ASTN2: variants seen among roughly 807,000 people sequenced by gnomAD.
ASTN2 encodes astrotactin-2.
Under a neutral mutation model 139.8 loss-of-function variants are expected in ASTN2, and 54 were observed. That is an observed-to-expected ratio of 0.39 (90% CI 0.31 to 0.48). The LOEUF is 0.48. Among genes scored for constraint, ASTN2 ranks in the 20% least tolerant of loss-of-function variants. ASTN2 has a pLI of 0.95. For missense variants in ASTN2, 1,565 were observed against 1,725.1 expected (o/e 0.91, Z 1.64); for synonymous variants, 756 against 719.5 (o/e 1.05, Z -0.81).
chr9:116,946,847 C>G (rs1490540753), intron 10 of ASTN2, among the ~76,000 whole-genome samples: 2 of 149,248 alleles, frequency 1.3e-5, no homozygotes, highest in East Asian at 4.0e-4. Context: ...TCTTTTAAGG[C>G]TTTTCCCCAT....
At chr9:117,196,556 C>A (rs1254329971) in intron 3 of ASTN2, among the ~76,000 whole-genome samples, 2 of 152,162 alleles carry the variant, frequency 1.3e-5, no homozygotes, top group Non-Finnish European at 2.9e-5. Flanking sequence ...GATCACAATG[C>A]CTTCCTATCT....
chr9:117,164,269 C>T (rs4838256), intron 3 of ASTN2, among the ~76,000 whole-genome samples: 35,343 of 151,958 alleles, frequency 0.23, 4,370 homozygotes, highest in East Asian at 0.52. Context: ...GATGAGAATG[C>T]AGGCAGAAAT....
chr9:117,284,046 G>A (rs1030866570), intron 2 of ASTN2, among the ~76,000 whole-genome samples: 19 of 152,168 alleles, frequency 1.2e-4, no homozygotes, highest in African/African-American at 4.6e-4. Context: ...AAAGCAATAT[G>A]TTAAGCTCCT....
At chr9:116,466,862 T>C (rs1848661646) in intron 20 of ASTN2, among the ~76,000 whole-genome samples, 1 of 152,196 alleles carries the variant, frequency 6.6e-6, no homozygotes, top group Non-Finnish European at 1.5e-5. Context: ...AGAATGGGGA[T>C]AATAAGACTC....
At chr9:116,621,441 GCACACACA>G (rs10547546) in intron 17 of ASTN2, among the ~76,000 whole-genome samples, 2 of 147,946 alleles carry the variant, frequency 1.4e-5, no homozygotes, top group Non-Finnish European at 3.0e-5. Context: ...ACACATGCAC[GCACACACA>G]CACACACACA....
chr9:117,049,992 G>T (rs10817985), intron 5 of ASTN2, among the ~76,000 whole-genome samples: 31,575 of 152,000 alleles, frequency 0.21, 3,865 homozygotes, highest in East Asian at 0.51. Context: ...AGGAAAGGTG[G>T]TGGGGGGTTT....
chr9:116,620,278 T>C (rs1196245399), intron 18 of ASTN2, 32 bp downstream of exon 18: 2 of 1,613,662 alleles, frequency 1.2e-6, no homozygotes, highest in Admixed American at 3.3e-5. Context: ...CGAAAAGGGA[T>C]GGCCAAAGGA....
At chr9:116,905,039 A>G (rs1443079830) in intron 10 of ASTN2, among the ~76,000 whole-genome samples, 1 of 151,364 alleles carries the variant, frequency 6.6e-6, no homozygotes, top group Non-Finnish European at 1.5e-5. Flanking sequence ...GCCTTCTGAA[A>G]CCCTCTCCAC....
In ASTN2 at chr9:117,405,655, T is replaced by C. The variant is rs1033689734; in HGVS notation, c.442+8842A>G. On this transcript the variant is annotated intron_variant, in intron 1 of 22. Transcript: ENST00000313400. ...CTGCTTTACCACAGGCTTGGTGACC[T>C]TGATTTCCCCATCTTTATATAGAAG... Among the ~76,000 whole-genome samples the C allele has an allele frequency of 2.0e-5, 3 of 152,188 alleles. No individual in the cohort carries two copies. In the East Asian group the frequency reaches 5.8e-4, roughly 29 times the overall value.
At chr9:117,324,695 A>C (rs1382928317) in intron 1 of ASTN2, among the ~76,000 whole-genome samples, 2 of 152,174 alleles carry the variant, frequency 1.3e-5, no homozygotes, top group Non-Finnish European at 2.9e-5. Flanking sequence ...ATGCAATCCC[A>C]GTACATAGAT....
chr9:117,258,519 G>T, intron 2 of ASTN2, among the ~76,000 whole-genome samples: 1 of 152,144 alleles, frequency 6.6e-6, no homozygotes, highest in Middle Eastern at 3.2e-3. Flanking sequence ...AATTCACACC[G>T]GGTTATGTAA....
intron 20 of ASTN2, among the ~76,000 whole-genome samples, chr9:116,453,550 T>C (rs976482100): frequency 4.3e-5 from 5 of 117,444 alleles, no homozygotes; most frequent in African/African-American, 1.6e-4. Context: ...GCTGAGATCA[T>C]GCCATTGCAC....
chr9:117,310,576 G>A (rs1337940981), intron 1 of ASTN2, among the ~76,000 whole-genome samples: 5 of 152,106 alleles, frequency 3.3e-5, no homozygotes, highest in Non-Finnish European at 7.4e-5. Context: ...GATGGGAGGT[G>A]GAGGATAAAT....
At chr9:117,246,413 G>A (rs1169163428) in intron 2 of ASTN2, among the ~76,000 whole-genome samples, 2 of 152,192 alleles carry the variant, frequency 1.3e-5, no homozygotes, top group African/African-American at 4.8e-5. Context: ...AACTAGTTGT[G>A]TGGACGAGGA....
chr9:117,181,109 G>T, intron 3 of ASTN2: 2 of 935,168 alleles, frequency 2.1e-6, no homozygotes, highest in South Asian at 1.3e-5. Flanking sequence ...CAACAAACAG[G>T]CTGCATACAC....
chr9:116,989,130 A>G (rs1290723992), intron 7 of ASTN2, among the ~76,000 whole-genome samples: 5 of 152,176 alleles, frequency 3.3e-5, no homozygotes, highest in African/African-American at 1.2e-4. Flanking sequence ...GAAGAGACTC[A>G]TTGACATTTT....
intron 2 of ASTN2, among the ~76,000 whole-genome samples, chr9:117,279,249 T>C (rs534545835): frequency 5.3e-5 from 8 of 152,302 alleles, no homozygotes; most frequent in African/African-American, 1.9e-4. Flanking sequence ...GGAAATATTA[T>C]ACAGCAGATG....
At chr9:116,978,599 A>G (rs985437763) in intron 7 of ASTN2, among the ~76,000 whole-genome samples, 6 of 152,036 alleles carry the variant, frequency 3.9e-5, no homozygotes, top group African/African-American at 9.7e-5. Flanking sequence ...AATCATGTCC[A>G]TGGAAATGTA....
At position 117,286,354 on chromosome 9, in the gene ASTN2, C is replaced by A. The variant is rs888597449; in HGVS notation, c.630+4972G>T. On this transcript the variant is annotated intron_variant, in intron 2 of 22. Transcript: ENST00000313400. ...GAAGCAGATAAACTCTTCCCACTTT[C>A]TTTTTTTTTTTTTTTTGAGCAGAGT... is the stretch of plus-strand genomic sequence containing the variant. 1.1e-4 allele frequency among the ~76,000 whole-genome samples: 15 copies of A among 135,752 alleles called. No homozygotes were observed. In the East Asian group the frequency reaches 2.4e-3, roughly 22 times the overall value. The allele number at this position is 135,752 out of a possible 152,430, so 89.1% of individuals were successfully genotyped here.
Sources: allele counts gnomAD v4.1 joint callset (sites outside exome capture counted in the v4.1 genomes callset), GRCh38; gene constraint gnomAD v4.1.1; transcripts MANE v1.5; gene names NCBI Gene and HGNC (gene_info 2026-07-23, HGNC 2026-07-21).